TPTE: variants seen among roughly 807,000 people sequenced by gnomAD.
TPTE encodes the protein putative tyrosine-protein phosphatase TPTE.
A neutral mutation model predicts 84.1 loss-of-function variants in TPTE; 59 were observed. That is an observed-to-expected ratio of 0.70 (90% CI 0.57 to 0.87). The LOEUF is 0.87. Among genes scored for constraint, TPTE ranks in the 40% least tolerant of loss-of-function variants. The pLI is 0.00. For synonymous variants in TPTE, 130 were observed against 223.5 expected (o/e 0.58, Z 3.73); for missense variants, 382 against 659.6 (o/e 0.58, Z 4.61).
At chr21:10,585,188 C>T (rs1311458633) in intron 17 of TPTE, among the ~76,000 whole-genome samples, 4 of 152,206 alleles carry the variant, frequency 2.6e-5, no homozygotes, top group Admixed American at 6.5e-5. Flanking sequence ...CAAGATCGCA[C>T]CACTGCTCTC....
At chr21:10,550,671 C>T (rs1440860226) in intron 7 of TPTE, among the ~76,000 whole-genome samples, 3 of 152,302 alleles carry the variant, frequency 2.0e-5, no homozygotes, top group Non-Finnish European at 4.4e-5. Context: ...GTATCCCACT[C>T]TCAGCATTGG....
At chr21:10,527,133 C>CT (rs1555885296) in intron 2 of TPTE, among the ~76,000 whole-genome samples, 2 of 148,612 alleles carry the variant, frequency 1.3e-5, no homozygotes, top group Non-Finnish European at 1.5e-5. Flanking sequence ...TTCTGTGTCC[C>CT]CTCTCTCTCT....
chr21:10,530,972 A>G (rs1433848140), intron 3 of TPTE, among the ~76,000 whole-genome samples: 2 of 152,312 alleles, frequency 1.3e-5, no homozygotes, highest in African/African-American at 2.4e-5. Context: ...TGGTCCATTC[A>G]TGAACTTAGC....
At chr21:10,585,203 C>G (rs2075340894) in intron 17 of TPTE, among the ~76,000 whole-genome samples, 1 of 151,718 alleles carries the variant, frequency 6.6e-6, no homozygotes, top group African/African-American at 2.4e-5. Flanking sequence ...GCTCTCCAAC[C>G]TGGATGACAG....
chr21:10,556,508 T>G (rs2145661635), intron 8 of TPTE, among the ~76,000 whole-genome samples: 1 of 152,428 alleles, frequency 6.6e-6, no homozygotes, highest in South Asian at 2.1e-4. Flanking sequence ...AACATACGTG[T>G]GCATGTGTCT....
At chr21:10,542,373 G>C (rs773923951) in intron 5 of TPTE, 22 bp from the exon 6 acceptor site, 3 of 1,609,626 alleles carry the variant, frequency 1.9e-6, no homozygotes, top group Non-Finnish European at 2.5e-6. Context: ...CTCTCTGACT[G>C]TTTTCTCTTA....
At chr21:10,536,255 G>A (rs538829958) in intron 3 of TPTE, among the ~76,000 whole-genome samples, 43 of 152,404 alleles carry the variant, frequency 2.8e-4, no homozygotes, top group African/African-American at 9.9e-4. Flanking sequence ...TCCAGCCTCG[G>A]TGAGAGTGAG....
At chr21:10,551,322 A>G (rs1431303636) in intron 7 of TPTE, among the ~76,000 whole-genome samples, 1 of 152,308 alleles carries the variant, frequency 6.6e-6, no homozygotes, top group Non-Finnish European at 1.5e-5. Flanking sequence ...GCATTAGGAG[A>G]TATACCTAAT....
intron 10 of TPTE, among the ~76,000 whole-genome samples, chr21:10,566,907 G>A (rs2074932715): frequency 6.6e-6 from 1 of 152,248 alleles, no homozygotes; most frequent in South Asian, 2.1e-4. Context: ...AACCCAGGAG[G>A]TGGAGGTTGC....
At chr21:10,528,141 A>AT (rs1373345787) in intron 3 of TPTE, among the ~76,000 whole-genome samples, 1 of 152,310 alleles carries the variant, frequency 6.6e-6, no homozygotes, top group African/African-American at 2.4e-5. Context: ...ACAGATTTAC[A>AT]TGAGAATTTT....
chr21:10,582,887 C>A (rs557977861), intron 17 of TPTE, among the ~76,000 whole-genome samples: 84 of 152,188 alleles, frequency 5.5e-4, no homozygotes, highest in African/African-American at 2.0e-3. Flanking sequence ...GCATCCACCA[C>A]CACACCCAGC....
intron 14 of TPTE, among the ~76,000 whole-genome samples, chr21:10,572,148 A>G (rs376460640): frequency 6.6e-6 from 1 of 152,424 alleles, no homozygotes; most frequent in Non-Finnish European, 1.5e-5. Context: ...AACTGTCAAA[A>G]GTCAAAAAGA....
At chr21:10,566,793 A>G (rs1342092725) in intron 10 of TPTE, among the ~76,000 whole-genome samples, 1 of 152,300 alleles carries the variant, frequency 6.6e-6, no homozygotes, top group Non-Finnish European at 1.5e-5. Flanking sequence ...CCTGACCAAC[A>G]TGGAGAAACC....
intron 14 of TPTE, among the ~76,000 whole-genome samples, chr21:10,574,215 G>T (rs573104673): frequency 1.7e-3 from 258 of 151,880 alleles, no homozygotes; most frequent in African/African-American, 6.0e-3. Flanking sequence ...TTAATTTTAT[G>T]TAATTTACAA....
intron 4 of TPTE, among the ~76,000 whole-genome samples, chr21:10,540,293 AGT>A (rs1477160209): frequency 3.3e-5 from 5 of 152,428 alleles, no homozygotes; most frequent in African/African-American, 1.2e-4. Flanking sequence ...AGGGCTATTG[AGT>A]GTGACAGGCA....
intron 8 of TPTE, among the ~76,000 whole-genome samples, chr21:10,554,706 G>A (rs2074644919): frequency 1.3e-5 from 2 of 152,310 alleles, no homozygotes; most frequent in African/African-American, 4.8e-5. Context: ...GTTATTCTCA[G>A]AAAGTCCTTC....
intron 17 of TPTE, among the ~76,000 whole-genome samples, chr21:10,588,676 C>CTCA (rs1490824497): frequency 6.6e-6 from 1 of 152,308 alleles, no homozygotes; most frequent in Non-Finnish European, 1.5e-5. Context: ...TTTACATAAT[C>CTCA]TCATATTTCT....
intron 1 of TPTE, among the ~76,000 whole-genome samples, chr21:10,523,007 T>G (rs1381434959): frequency 3.9e-5 from 6 of 152,308 alleles, no homozygotes; most frequent in Admixed American, 3.9e-4. Flanking sequence ...ACCTTGTCTA[T>G]TTTAGTGAAA....
chr21:10,560,098 A>C (rs2074765887), intron 9 of TPTE, among the ~76,000 whole-genome samples: 2 of 152,308 alleles, frequency 1.3e-5, no homozygotes, highest in Admixed American at 6.5e-5. Context: ...ATTGCAAATA[A>C]ATGGCTTTTG....
Sources: gnomAD v4.1 joint callset for allele counts (sites outside exome capture counted in the v4.1 genomes callset) on GRCh38, gnomAD v4.1.1 for gene constraint, MANE v1.5 for transcripts, NCBI Gene and HGNC (gene_info 2026-07-23, HGNC 2026-07-21) for gene names.